The following RAB7B variants were observed in gnomAD, a reference collection of about 807,000 sequenced individuals.
RAB7B encodes the protein ras-related protein Rab-7b.
At chr1:205,985,334 C>G (rs1571792340) in intron 5 of RAB7B, among the ~76,000 whole-genome samples, 1 of 152,312 alleles carries the variant, frequency 6.6e-6, no homozygotes, top group East Asian at 1.9e-4. Context: ...ACTGCATGCT[C>G]TAAGGTAGCT....
chr1:205,995,068 T>C (rs932123606), intron 1 of RAB7B, among the ~76,000 whole-genome samples: 1 of 151,936 alleles, frequency 6.6e-6, no homozygotes, highest in African/African-American at 2.4e-5. Context: ...GTGAGAACAC[T>C]TGGACACAGG....
intron 1 of RAB7B, among the ~76,000 whole-genome samples, chr1:205,997,191 A>G (rs1660822382): frequency 6.6e-6 from 1 of 152,198 alleles, no homozygotes; most frequent in African/African-American, 2.4e-5. Flanking sequence ...AAATGCCTAC[A>G]TGCCTACCAC....
chr1:205,993,475 C>G lies in RAB7B; in HGVS notation c.125G>C (p.Gly42Ala), dbSNP rs1571797785. Residue 42 changes from glycine to alanine, a missense_variant, in exon 3 of 6, where the codon GGG becomes GCG. Transcript: ENST00000617070. ...GATAATCTTGGAGAGGATGCTGGCC[C>G]CCAGTGTGGTCTGGTATTCCTCATA... ...TFYEEYQTTL[G>A]ASILSKIIIL... 4 of 398,478 alleles carry G rather than the reference C, an allele frequency of 1.0e-5. No individual in the cohort carries two copies. Among genetic ancestry groups the G allele is most frequent in the Middle Eastern group, 6.2e-4 (1 of 1,610 alleles). 24.7% of individuals were successfully genotyped at this position (398,478 alleles called of 1,614,324 possible).
rs1558142370 is a variant in RAB7B, at chr1:205,982,147, A to C, written c.523-3219T>G. Among the ~76,000 whole-genome samples the C allele has an allele frequency of 2.0e-5, 3 of 152,352 alleles. No homozygotes were observed. The East Asian group carries it at 5.8e-4, about 29-fold the overall frequency. ...CACCTGGTGTCTCGAGGATCCTTGA[A>C]TGCAATGTGCTCACATGGACGTCAT... On this transcript the variant is annotated intron_variant, in intron 5 of 5. Transcript: ENST00000617070.
intron 4 of RAB7B, among the ~76,000 whole-genome samples, chr1:205,991,763 G>A (rs1489558202): frequency 6.6e-6 from 1 of 152,146 alleles, no homozygotes; most frequent in Admixed American, 6.5e-5. Flanking sequence ...CTTTTTGGTG[G>A]CATCTGGACT....
rs985764762 is a variant in RAB7B at position 205,991,945 on chromosome 1, G to A, written c.396+535C>T. 3.8e-4 allele frequency among the ~76,000 whole-genome samples: 58 copies of A among 152,326 alleles called. No homozygotes were observed. In the Middle Eastern group the frequency reaches 0.01, roughly 27 times the overall value. ...TGTCAAGTGGTTAACCCGATGGTCC[G>A]GAATATGCTTAAGCTAATACAAAAA... On this transcript the variant is annotated intron_variant, in intron 4 of 5. Coordinates refer to ENST00000617070, the MANE Select transcript of RAB7B (RefSeq NM_001164522.3).
intron 5 of RAB7B, among the ~76,000 whole-genome samples, chr1:205,985,338 G>C (rs951884605): frequency 6.6e-6 from 1 of 152,144 alleles, no homozygotes; most frequent in Non-Finnish European, 1.5e-5. Flanking sequence ...CATGCTCTAA[G>C]GTAGCTTTCT....
rs1462725740 is a variant in RAB7B at position 206,001,153 on chromosome 1, C to T, written c.-17+2100G>A. 3.3e-5 allele frequency among the ~76,000 whole-genome samples: 5 copies of T among 152,086 alleles called. No individual in the cohort carries two copies. In the South Asian group the frequency reaches 8.3e-4, roughly 25 times the overall value. Reference sequence around the variant, plus strand: ...AACAAAGAGTGACTGGGACCAGGTCCGTGGGAAGTGGGGGCGGTTTGTGGG... The same window carrying T: ...AACAAAGAGTGACTGGGACCAGGTCTGTGGGAAGTGGGGGCGGTTTGTGGG... On this transcript the variant is annotated intron_variant, in intron 1 of 5. Transcript: ENST00000617070.
intron 5 of RAB7B, among the ~76,000 whole-genome samples, chr1:205,981,241 A>G (rs1660485737): frequency 6.6e-6 from 1 of 152,148 alleles, no homozygotes; most frequent in African/African-American, 2.4e-5. Context: ...ACCACCCCAT[A>G]TCTTCCAAAG....
chr1:206,001,200 A>G (rs953663212), intron 1 of RAB7B, among the ~76,000 whole-genome samples: 184 of 151,494 alleles, frequency 1.2e-3, no homozygotes, highest in African/African-American at 3.5e-3. Flanking sequence ...TGGCTCACCT[A>G]GGAGGCACAC....
chr1:205,999,689 C>T lies in RAB7B; in HGVS notation c.-17+3564G>A, dbSNP rs1354414464. 3.9e-5 allele frequency among the ~76,000 whole-genome samples: 6 copies of T among 152,256 alleles called. No homozygotes were observed. The East Asian group carries it at 1.2e-3, about 29-fold the overall frequency. ...TTACTAAAGCATTGGGGTAATCTAA[C>T]TGTCCATCAATATGACACTCTCTAC... On this transcript the variant is annotated intron_variant, in intron 1 of 5. Transcript: ENST00000617070.
intron 5 of RAB7B, among the ~76,000 whole-genome samples, chr1:205,980,841 TTTCCC>T (rs1156903179): frequency 7.5e-4 from 21 of 28,136 alleles, no homozygotes; most frequent in Non-Finnish European, 1.3e-3. Flanking sequence ...CCCCTCCCCC[TTTCCC>T]TCCCCTTTCC....
intron 5 of RAB7B, 21 bp from the exon 6 acceptor site, chr1:205,978,949 C>T (rs1400706070): frequency 2.5e-5 from 10 of 398,644 alleles, no homozygotes; most frequent in Admixed American, 8.8e-5. Context: ...AAAGAGAGGC[C>T]GGCATTCATG....
intron 4 of RAB7B, among the ~76,000 whole-genome samples, chr1:205,986,655 T>C (rs2102635311): frequency 6.6e-6 from 1 of 152,342 alleles, no homozygotes; most frequent in South Asian, 2.1e-4. Context: ...GGCTTGGAAA[T>C]GCTCTGGAAG....
intron 1 of RAB7B, among the ~76,000 whole-genome samples, chr1:205,996,175 T>C (rs1345293504): frequency 6.8e-6 from 1 of 147,292 alleles, no homozygotes; most frequent in Non-Finnish European, 1.5e-5. Context: ...TGTGTGTGTG[T>C]GTGTGTGTTT....
intron 4 of RAB7B, among the ~76,000 whole-genome samples, chr1:205,987,453 C>T (rs1356893638): frequency 6.6e-6 from 1 of 152,192 alleles, no homozygotes; most frequent in Non-Finnish European, 1.5e-5. Flanking sequence ...AAACATTTGA[C>T]AAAATTAGTC....
At chr1:205,988,941 G>T (rs1241191837) in intron 4 of RAB7B, among the ~76,000 whole-genome samples, 1 of 152,198 alleles carries the variant, frequency 6.6e-6, no homozygotes, top group East Asian at 1.9e-4. Flanking sequence ...CTCCCCTCTT[G>T]GGGCTTTATA....
At chr1:205,986,276 C>T (rs1660602426) in intron 4 of RAB7B, among the ~76,000 whole-genome samples, 1 of 152,222 alleles carries the variant, frequency 6.6e-6, no homozygotes, top group Admixed American at 6.5e-5. Context: ...TACTATGGGC[C>T]AGTTGCTGTG....
At chr1:205,980,027 T>C (rs1451839503) in intron 5 of RAB7B, among the ~76,000 whole-genome samples, 2 of 152,194 alleles carry the variant, frequency 1.3e-5, no homozygotes, top group African/African-American at 4.8e-5. Context: ...TCCTGCACCT[T>C]GATGATGGTG....
Sources: gnomAD v4.1 joint callset for allele counts (sites outside exome capture counted in the v4.1 genomes callset) on GRCh38, gnomAD v4.1.1 for gene constraint, MANE v1.5 for transcripts, NCBI Gene and HGNC (gene_info 2026-07-23, HGNC 2026-07-21) for gene names.